ADAMTS17: variants seen among roughly 807,000 people sequenced by gnomAD.
ADAMTS17 encodes the protein ADAM metallopeptidase with thrombospondin type 1 motif 17.
A neutral mutation model predicts 141.5 loss-of-function variants in ADAMTS17; 113 were observed. The observed-to-expected ratio is 0.80, with a 90% CI of 0.69 to 0.93. The LOEUF (loss-of-function observed/expected upper bound fraction) is 0.93. ADAMTS17 is among the 40% of genes least tolerant of loss of function. The pLI is 0.00. For missense variants in ADAMTS17, 1,659 were observed against 1,517.9 expected, an observed-to-expected ratio of 1.09 and a Z score of -1.54; for synonymous variants, 768 against 630.6, an observed-to-expected ratio of 1.22 and a Z score of -3.27.
intron 8 of ADAMTS17, among the ~76,000 whole-genome samples, chr15:100,185,242 G>T (rs1385670638): frequency 3.3e-5 from 5 of 152,168 alleles, no homozygotes; most frequent in Admixed American, 6.5e-5. Context: ...GAGAACGACA[G>T]GAATTACCCC....
At chr15:99,989,353 A>T (rs1460337743) in intron 20 of ADAMTS17, among the ~76,000 whole-genome samples, 1 of 152,092 alleles carries the variant, frequency 6.6e-6, no homozygotes, top group Non-Finnish European at 1.5e-5. Flanking sequence ...CCTGCCCCGG[A>T]CCCCTGTGGG....
intron 3 of ADAMTS17, among the ~76,000 whole-genome samples, chr15:100,305,343 A>G (rs181360146): frequency 1.1e-4 from 16 of 152,320 alleles, no homozygotes; most frequent in African/African-American, 3.8e-4. Flanking sequence ...AGGATGCCAG[A>G]TTCCTCAAAC....
chr15:100,155,458 C>A, intron 8 of ADAMTS17, 138 bp from the exon 9 acceptor site: 1 of 1,162,230 alleles, frequency 8.6e-7, no homozygotes, highest in Non-Finnish European at 1.2e-6. Flanking sequence ...TCTCACACAG[C>A]AGACCCACAG....
At chr15:100,116,385 A>T (rs574612212) in intron 13 of ADAMTS17, among the ~76,000 whole-genome samples, 1 of 152,336 alleles carries the variant, frequency 6.6e-6, no homozygotes, top group East Asian at 1.9e-4. Context: ...CTATTCTCAA[A>T]ATGTTCCCCA....
At chr15:100,201,771 A>T (rs2041342981) in intron 7 of ADAMTS17, among the ~76,000 whole-genome samples, 1 of 152,078 alleles carries the variant, frequency 6.6e-6, no homozygotes, top group East Asian at 1.9e-4. Flanking sequence ...AAAAAACAAC[A>T]CGACAACCAG....
At position 100,069,945 on chromosome 15, in the gene ADAMTS17, T is replaced by A. The variant is rs1420447505; in HGVS notation, c.2138-15891A>T. 4.0e-5 allele frequency among the ~76,000 whole-genome samples: 6 copies of A among 150,152 alleles called. 1 individual carries two copies. Among genetic ancestry groups the A allele is most frequent in the Non-Finnish European group, 8.9e-5 (6 of 67,528 alleles). On this transcript the variant is annotated intron_variant, in intron 15 of 21. Transcript: ENST00000268070. ...AATGCTCCAATTAAAAGACACAGAC[T>A]AGCAAACTGGATAAAGAGTCAAGAC...
Position 100,155,282 on chromosome 15 carries a change from G to A in ADAMTS17, c.1220C>T (p.Ala407Val). 6.2e-7 allele frequency: 1 copy of A among 1,614,192 alleles called. No homozygotes were observed. Among genetic ancestry groups the A allele is most frequent in the Non-Finnish European group, 8.5e-7 (1 of 1,180,024 alleles). The change falls in exon 9 of 22, where the codon GCT becomes GTT. Residue 407 changes from alanine to valine, a missense_variant. Physicochemically the swap from Ala to Val is moderately conservative, Grantham distance 64. Coordinates refer to ENST00000268070, the MANE Select transcript of ADAMTS17 (RefSeq NM_139057.4). ...MNHDDDHSSC[A>V]GRSHIMSGEW... The stretch of plus-strand genomic sequence containing the variant: ...TCCTGACATGATGTGGGACCTGCCA[G>A]CGCAAGATGAGTGGTCATCGTCGTG...
Position 100,330,935 on chromosome 15 carries a change from A to G in ADAMTS17, c.570T>C (p.Pro190=). The G allele has an allele frequency of 1.2e-6, 2 of 1,614,154 alleles. No homozygotes were observed. The highest frequency in any genetic ancestry group is 1.7e-6 in the Non-Finnish European group (2 of 1,180,030). ...IRRKWSLTPS[P]SAEAQRPEQL... The stretch of plus-strand genomic sequence containing the variant: ...GCTCAGGTCTCTGGGCCTCAGCAGA[A>G]GGGCTGGGGGTCAAGGACCATTTGC... The change falls in exon 3 of 22, where the codon CCT becomes CCC. Residue 190 remains proline, a synonymous_variant. Coordinates refer to ENST00000268070, the MANE Select transcript of ADAMTS17 (RefSeq NM_139057.4).
intron 20 of ADAMTS17, among the ~76,000 whole-genome samples, chr15:99,990,316 G>A (rs1231802320): frequency 6.6e-6 from 1 of 151,962 alleles, no homozygotes; most frequent in African/African-American, 2.4e-5. Flanking sequence ...GACTACAGGT[G>A]TGAGCCACCA....
chr15:100,038,103 G>A (rs868812628), intron 18 of ADAMTS17, among the ~76,000 whole-genome samples: 12 of 152,334 alleles, frequency 7.9e-5, no homozygotes, highest in African/African-American at 2.4e-4. Context: ...AGTTGTCACA[G>A]CACCATTTGT....
intron 15 of ADAMTS17, among the ~76,000 whole-genome samples, chr15:100,089,831 G>T (rs1364802871): frequency 1.5e-5 from 2 of 134,668 alleles, no homozygotes; most frequent in Admixed American, 8.1e-5. Context: ...GGGGACTGTT[G>T]TGGGGTTGGG....
chr15:100,336,736 C>A (rs140995561), intron 2 of ADAMTS17, among the ~76,000 whole-genome samples: 8 of 152,250 alleles, frequency 5.3e-5, no homozygotes, highest in African/African-American at 1.9e-4. Flanking sequence ...TAAAGCTGGG[C>A]AATTTTGTAA....
rs2042651395 is a variant in ADAMTS17 at position 100,236,290 on chromosome 15, A to AAAAAG, written c.1075+17845_1075+17846insCTTTT. Among the ~76,000 whole-genome samples the AAAAAG allele has an allele frequency of 2.0e-5, 3 of 151,340 alleles. No individual in the cohort carries two copies. The East Asian group carries it at 5.8e-4, about 29-fold the overall frequency. On this transcript the variant is annotated intron_variant, in intron 7 of 21. Transcript: ENST00000268070. ...TCATGTCACCCACGACATTAAAAAA[A>AAAAAG]AAAAAAAAAACCCTAACAAGAGAAG...
Position 100,070,968 on chromosome 15 carries a change from A to G in ADAMTS17, c.2138-16914T>C, listed in dbSNP as rs1166677680. Among the ~76,000 whole-genome samples, 2 of 150,448 alleles carry G rather than the reference A, an allele frequency of 1.3e-5. 1 individual carries two copies. Among genetic ancestry groups the G allele is most frequent in the Admixed American group, 1.3e-4 (2 of 15,020 alleles). Reference sequence around the variant, plus strand: ...TGAATCCAGGAGATGGATTTTTGAAAAGATCAACAAAATTGACAGACCACT... The same window carrying G: ...TGAATCCAGGAGATGGATTTTTGAAGAGATCAACAAAATTGACAGACCACT... On this transcript the variant is annotated intron_variant, in intron 15 of 21. Coordinates refer to ENST00000268070, the MANE Select transcript of ADAMTS17 (RefSeq NM_139057.4).
intron 20 of ADAMTS17, among the ~76,000 whole-genome samples, chr15:99,982,878 C>T (rs2060509334): frequency 6.6e-6 from 1 of 152,166 alleles, no homozygotes; most frequent in South Asian, 2.1e-4. Flanking sequence ...GAGAGGCAGC[C>T]TCTGCATCTG....
At chr15:100,199,567 G>C (rs1276850117) in intron 7 of ADAMTS17, 144 bp from the exon 8 acceptor site, 4 of 765,302 alleles carry the variant, frequency 5.2e-6, no homozygotes, top group Middle Eastern at 2.3e-4. Context: ...CACCTGGGAA[G>C]GGTTTGTGTA....
chr15:99,977,608 G>A (rs1238784199), intron 20 of ADAMTS17, among the ~76,000 whole-genome samples: 1 of 150,720 alleles, frequency 6.6e-6, no homozygotes, highest in African/African-American at 2.4e-5. Flanking sequence ...TAGAGACAGG[G>A]CTTCATCATA....
intron 18 of ADAMTS17, among the ~76,000 whole-genome samples, chr15:100,043,579 C>T (rs528704426): frequency 3.3e-4 from 51 of 152,252 alleles, no homozygotes; most frequent in African/African-American, 1.2e-3. Flanking sequence ...CAAACTCTTA[C>T]GTGTGGGCTA....
At chr15:100,306,591 T>C (rs1490429307) in intron 3 of ADAMTS17, 7 of 455,864 alleles carry the variant, frequency 1.5e-5, no homozygotes, top group Admixed American at 1.2e-4. Context: ...AGAAAAGCTA[T>C]GTCCACCGTG....
Sources: allele counts gnomAD v4.1 joint callset (sites outside exome capture counted in the v4.1 genomes callset), GRCh38; gene constraint gnomAD v4.1.1; transcripts MANE v1.5; gene names NCBI Gene and HGNC (gene_info 2026-07-23, HGNC 2026-07-21).